Variants in PCDHGA1 observed in about 807,000 individuals in gnomAD.
PCDHGA1 encodes the protein protocadherin gamma-A1.
In PCDHGA1, 32 loss-of-function variants were observed where a neutral mutation model predicts 58.0. The observed-to-expected ratio is 0.55, with a 90% CI of 0.42 to 0.74. The LOEUF (loss-of-function observed/expected upper bound fraction) is 0.74. Among genes scored for constraint, PCDHGA1 ranks in the 30% least tolerant of loss-of-function variants. The pLI, the probability that PCDHGA1 is intolerant of heterozygous loss-of-function variation, is 0.00. For missense variants in PCDHGA1, 1,205 were observed against 1,182.3 expected, an observed-to-expected ratio of 1.02 and a Z score of -0.28; for synonymous variants, 498 against 501.1, an observed-to-expected ratio of 0.99 and a Z score of 0.08.
chr5:141,511,267 C>A lies in PCDHGA1; in HGVS notation c.*94C>A, dbSNP rs1223074819. The A allele has an allele frequency of 6.5e-7, 1 of 1,549,404 alleles. No individual in the cohort carries two copies. Among genetic ancestry groups the A allele is most frequent in the Non-Finnish European group, 8.7e-7 (1 of 1,146,836 alleles). Reference sequence around the variant, plus strand: ...CCAGGCCTCAGAGTTTCAGGGCTAACCCCCAGAATACTGGTAGGGGCCAAG... The same window carrying A: ...CCAGGCCTCAGAGTTTCAGGGCTAAACCCCAGAATACTGGTAGGGGCCAAG... On this transcript the variant is annotated 3_prime_UTR_variant, in exon 4 of 4. Coordinates refer to ENST00000517417, the MANE Select transcript of PCDHGA1 (RefSeq NM_018912.3).
rs985430498 is a variant in PCDHGA1 at position 141,387,945 on chromosome 5, C to T, written c.2421+54840C>T. The T allele has an allele frequency of 4.0e-6, 6 of 1,484,034 alleles. No homozygotes were observed. The African/African-American group carries it at 8.5e-5, about 21-fold the overall frequency. The allele number at this position is 1,484,034 out of a possible 1,614,324, so 91.9% of individuals were successfully genotyped here. A position where few individuals can be genotyped will look rare whatever the true frequency, so the allele number is the denominator to read the frequency against. On this transcript the variant is annotated intron_variant, in intron 1 of 3. Coordinates refer to ENST00000517417, the MANE Select transcript of PCDHGA1 (RefSeq NM_018912.3). ...GAGGCTGCCAGTGCTCTTTCTCTTC[C>T]TGCTGTCTTTGTTCTGCCCGGCGCT...
chr5:141,395,131 C>A, intron 1 of PCDHGA1: 12 of 1,614,202 alleles, frequency 7.4e-6, no homozygotes, highest in Non-Finnish European at 1.0e-5. Context: ...TTTCCCCAGC[C>A]CAACTACGCA....
At chr5:141,410,189 G>A in intron 1 of PCDHGA1, 1 of 1,613,992 alleles carries the variant, frequency 6.2e-7, no homozygotes, top group Non-Finnish European at 8.5e-7. Context: ...GCTTCATCTG[G>A]TCTTCGCAGA....
At chr5:141,352,562 C>A (rs1759045712) in intron 1 of PCDHGA1, 2 of 1,613,944 alleles carry the variant, frequency 1.2e-6, no homozygotes, top group African/African-American at 2.7e-5. Context: ...CAACCTGACA[C>A]CGGAAATGGC....
intron 1 of PCDHGA1, among the ~76,000 whole-genome samples, chr5:141,373,609 A>G (rs566827138): frequency 6.6e-6 from 1 of 152,384 alleles, no homozygotes; most frequent in South Asian, 2.1e-4. Context: ...TTCAAAATTT[A>G]CAGAAGATTG....
chr5:141,399,677 A>G, intron 1 of PCDHGA1: 1 of 1,613,540 alleles, frequency 6.2e-7, no homozygotes, highest in Non-Finnish European at 8.5e-7. Flanking sequence ...CGCGCCTTTG[A>G]CTACGAGCAG....
At chr5:141,384,039 T>C in intron 1 of PCDHGA1, 1 of 1,612,888 alleles carries the variant, frequency 6.2e-7, no homozygotes, top group East Asian at 2.2e-5. Flanking sequence ...GAAAGAATGG[T>C]GAGGTGACCT....
intron 1 of PCDHGA1, among the ~76,000 whole-genome samples, chr5:141,449,636 TA>T (rs1448731592): frequency 7.3e-5 from 11 of 150,610 alleles, no homozygotes; most frequent in Non-Finnish European, 1.2e-4. Flanking sequence ...AAGATGTATC[TA>T]TATATACATA....
intron 1 of PCDHGA1, chr5:141,374,379 G>A (rs1163047741): frequency 6.2e-7 from 1 of 1,614,042 alleles, no homozygotes; most frequent in Non-Finnish European, 8.5e-7. Flanking sequence ...TGTGCTCAGA[G>A]CCCGCGGTGT....
At chr5:141,433,699 T>C (rs2097645911) in intron 1 of PCDHGA1, among the ~76,000 whole-genome samples, 1 of 152,082 alleles carries the variant, frequency 6.6e-6, no homozygotes, top group Non-Finnish European at 1.5e-5. Flanking sequence ...TAGCCGGGCG[T>C]GGTGGTGCAT....
intron 1 of PCDHGA1, chr5:141,339,411 C>A (rs199543217): frequency 6.2e-7 from 1 of 1,614,222 alleles, no homozygotes; most frequent in East Asian, 2.2e-5. Context: ...GAAACCACTA[C>A]GCCAGGATTC....
intron 1 of PCDHGA1, among the ~76,000 whole-genome samples, chr5:141,462,430 T>C (rs1471523013): frequency 2.0e-5 from 3 of 152,230 alleles, no homozygotes; most frequent in African/African-American, 4.8e-5. Flanking sequence ...TTGGTGAGTG[T>C]TGCTTACACA....
At chr5:141,474,156 A>C (rs1387216017) in intron 1 of PCDHGA1, among the ~76,000 whole-genome samples, 1 of 152,244 alleles carries the variant, frequency 6.6e-6, no homozygotes, top group East Asian at 1.9e-4. Flanking sequence ...CAAGAAAATG[A>C]CAGGCCTTAT....
chr5:141,473,763 G>A (rs1333191998), intron 1 of PCDHGA1, among the ~76,000 whole-genome samples: 1 of 152,204 alleles, frequency 6.6e-6, no homozygotes, highest in African/African-American at 2.4e-5. Context: ...ACTATGCAAA[G>A]GATTTGGTAT....
In PCDHGA1 at chr5:141,375,395, A is replaced by T. The variant is rs571734136; in HGVS notation, c.2421+42290A>T. 1.2e-6 allele frequency: 2 copies of T among 1,613,932 alleles called. No individual in the cohort carries two copies. The highest frequency in any genetic ancestry group is 2.2e-5 in the South Asian group (2 of 91,080). ...ACCACCTCTGTCTACAGAAACAATC[A>T]TCTCTCTAAATGTGGCAGACACCAA... On this transcript the variant is annotated intron_variant, in intron 1 of 3. Coordinates refer to ENST00000517417, the MANE Select transcript of PCDHGA1 (RefSeq NM_018912.3).
In PCDHGA1 at chr5:141,485,985, T is replaced by C. The variant is rs748867624; in HGVS notation, c.2422-8822T>C. 5.6e-6 allele frequency: 9 copies of C among 1,614,086 alleles called. No homozygotes were observed. Among genetic ancestry groups the C allele is most frequent in the South Asian group, 5.5e-5 (5 of 91,094 alleles). On this transcript the variant is annotated intron_variant, in intron 1 of 3. Coordinates refer to ENST00000517417, the MANE Select transcript of PCDHGA1 (RefSeq NM_018912.3). The surrounding 1 kb of genome is among the most constrained non-coding windows in gnomAD (Gnocchi z 5.7). ...CAGCTCAATGCCTCAGACCCGGACC[T>C]GGGTCCCAGTGGTAACGTCACCTTT...
intron 1 of PCDHGA1, chr5:141,389,731 G>A: frequency 6.2e-7 from 1 of 1,612,688 alleles, no homozygotes; most frequent in Non-Finnish European, 8.5e-7. Flanking sequence ...GGGCTCTTCA[G>A]CCTGGGGCTG....
chr5:141,352,438 T>C, intron 1 of PCDHGA1: 1 of 1,614,018 alleles, frequency 6.2e-7, no homozygotes, highest in Non-Finnish European at 8.5e-7. Flanking sequence ...TTCAAACCGG[T>C]CTCTGCTCCA....
chr5:141,374,334 T>G, intron 1 of PCDHGA1: 2 of 1,614,018 alleles, frequency 1.2e-6, no homozygotes, highest in South Asian at 2.2e-5. Flanking sequence ...AACGGCAGCT[T>G]GGTCACCGCG....
Sources: gnomAD v4.1 joint callset for allele counts (sites outside exome capture counted in the v4.1 genomes callset) on GRCh38, gnomAD v4.1.1 for gene constraint, Gnocchi (gnomAD v3.1) non-coding constraint, MANE v1.5 for transcripts, NCBI Gene and HGNC (gene_info 2026-07-23, HGNC 2026-07-21) for gene names.